Variants in NUDCD3 observed in about 807,000 individuals in gnomAD.
NUDCD3 encodes NudC domain containing 3.
In NUDCD3, 13 loss-of-function variants were observed where a neutral mutation model predicts 39.7. The ratio of observed to expected loss-of-function variants is 0.33; its 90% CI spans 0.21 to 0.52. NUDCD3 has a LOEUF of 0.52. NUDCD3 is among the 20% of genes least tolerant of loss of function. NUDCD3 has a pLI of 0.96. For missense variants in NUDCD3, 453 were observed against 458.1 expected, an observed-to-expected ratio of 0.99 and a Z score of 0.10; for synonymous variants, 175 against 172.4, an observed-to-expected ratio of 1.02 and a Z score of -0.12.
At position 44,465,858 on chromosome 7, in the gene NUDCD3, A is replaced by T. The variant is rs1800107728; in HGVS notation, c.509+19110T>A. Among the ~76,000 whole-genome samples, 4 of 152,230 alleles carry T rather than the reference A, an allele frequency of 2.6e-5. No individual in the cohort carries two copies. In the South Asian group the frequency reaches 8.3e-4, roughly 32 times the overall value. On this transcript the variant is annotated intron_variant, in intron 2 of 5. Coordinates refer to ENST00000355451, the MANE Select transcript of NUDCD3 (RefSeq NM_015332.4). The stretch of plus-strand genomic sequence containing the variant: ...TTCAAAACACCAGTTAAAAAAAATA[A>T]AGAAAAACTTTTACGGAAAAATAGG...
chr7:44,405,033 C>T (rs1036545498), intron 3 of NUDCD3, among the ~76,000 whole-genome samples: 45 of 152,292 alleles, frequency 3.0e-4, no homozygotes, highest in African/African-American at 9.9e-4. Context: ...ATTGCTCACC[C>T]CAGGACTGCT....
At chr7:44,487,407 G>C (rs1800633030) in intron 1 of NUDCD3, among the ~76,000 whole-genome samples, 1 of 151,946 alleles carries the variant, frequency 6.6e-6, no homozygotes, top group Non-Finnish European at 1.5e-5. Flanking sequence ...ACATCTGGTG[G>C]GGGTGGAGAG....
At chr7:44,431,206 T>C (rs1799356594) in intron 2 of NUDCD3, among the ~76,000 whole-genome samples, 1 of 151,968 alleles carries the variant, frequency 6.6e-6, no homozygotes, top group Non-Finnish European at 1.5e-5. Context: ...CCTGGGCACA[T>C]GGTAGGAGGC....
intron 3 of NUDCD3, among the ~76,000 whole-genome samples, chr7:44,422,460 CACT>C (rs1267243121): frequency 1.3e-5 from 2 of 151,928 alleles, no homozygotes; most frequent in African/African-American, 4.8e-5. Context: ...GAGATATCAC[CACT>C]GATCCCACAG....
chr7:44,466,761 C>T (rs1370805007), intron 2 of NUDCD3, among the ~76,000 whole-genome samples: 2 of 152,210 alleles, frequency 1.3e-5, no homozygotes, highest in Admixed American at 6.5e-5. Flanking sequence ...GAAGCTCTAG[C>T]AGCAGCAGAA....
chr7:44,394,850 C>G (rs1798594617), intron 4 of NUDCD3, among the ~76,000 whole-genome samples: 1 of 152,150 alleles, frequency 6.6e-6, no homozygotes, highest in African/African-American at 2.4e-5. Flanking sequence ...TCCACAGACC[C>G]CAACACAGGG....
At chr7:44,391,742 T>C (rs1381395751) in intron 5 of NUDCD3, among the ~76,000 whole-genome samples, 2 of 152,196 alleles carry the variant, frequency 1.3e-5, no homozygotes, top group Non-Finnish European at 2.9e-5. Flanking sequence ...GAAGAAAGAA[T>C]GTATACATCT....
Position 44,385,061 on chromosome 7 carries a change from C to T in NUDCD3, c.*950G>A, listed in dbSNP as rs533083367. On this transcript the variant is annotated 3_prime_UTR_variant, in exon 6 of 6. Transcript: ENST00000355451. ...GTTCAGTTGTGGTGGGACAGTGTGC[C>T]TTCACGCCCCATGCAGAAATTCCTC... The T allele has an allele frequency of 6.6e-6, 1 of 152,394 alleles. No individual in the cohort carries two copies. The highest frequency in any genetic ancestry group is 6.5e-5 in the Admixed American group (1 of 15,306). The allele number at this position is 152,394 out of a possible 1,614,324, so 9.4% of individuals were successfully genotyped here.
intron 5 of NUDCD3, among the ~76,000 whole-genome samples, chr7:44,388,598 T>C (rs550374955): frequency 5.3e-5 from 8 of 152,376 alleles, no homozygotes; most frequent in African/African-American, 1.9e-4. Context: ...GTTGAGACTT[T>C]AGCATCAGCA....
chr7:44,424,004 T>C (rs185913759), intron 3 of NUDCD3, among the ~76,000 whole-genome samples: 1 of 152,066 alleles, frequency 6.6e-6, no homozygotes, highest in Non-Finnish European at 1.5e-5. Context: ...TCTACAACCA[T>C]CTGATCTTCA....
chr7:44,410,084 GAAGA>G (rs1230803661), intron 3 of NUDCD3, among the ~76,000 whole-genome samples: 2 of 151,956 alleles, frequency 1.3e-5, no homozygotes, highest in Admixed American at 1.3e-4. Context: ...GAAGAGAAAA[GAAGA>G]AAGAATATTT....
intron 4 of NUDCD3, among the ~76,000 whole-genome samples, chr7:44,400,238 A>G (rs1798696798): frequency 1.3e-5 from 2 of 150,488 alleles, no homozygotes; most frequent in South Asian, 4.3e-4. Flanking sequence ...GCCTGAGTCA[A>G]GAAGTCTCAT....
intron 4 of NUDCD3, among the ~76,000 whole-genome samples, chr7:44,403,577 G>C (rs1172522307): frequency 3.3e-5 from 5 of 152,172 alleles, no homozygotes; most frequent in Non-Finnish European, 5.9e-5. Context: ...GGACAGCCAG[G>C]ACAGAGTCAC....
intron 2 of NUDCD3, among the ~76,000 whole-genome samples, chr7:44,460,534 C>T (rs1799986072): frequency 6.6e-6 from 1 of 152,004 alleles, no homozygotes. Context: ...TTTAAAAACC[C>T]ACCAGCATAT....
rs183395947 is a variant in NUDCD3, at chr7:44,436,445, G to C, written c.510-8742C>G. Among the ~76,000 whole-genome samples the C allele has an allele frequency of 2.3e-3, 354 of 152,266 alleles. 2 individuals are homozygous for C. Among genetic ancestry groups the C allele is most frequent in the African/African-American group, 7.9e-3 (328 of 41,554 alleles). ...GAGTTTGTCTTGGCTATACAACTAGGAGCAGAACTTCTAGGTCAAAGGATA... is the reference window on the plus strand; with the variant it reads ...GAGTTTGTCTTGGCTATACAACTAGCAGCAGAACTTCTAGGTCAAAGGATA... On this transcript the variant is annotated intron_variant, in intron 2 of 5. Coordinates refer to ENST00000355451, the MANE Select transcript of NUDCD3 (RefSeq NM_015332.4).
intron 2 of NUDCD3, among the ~76,000 whole-genome samples, chr7:44,440,823 A>G (rs1012712558): frequency 1.3e-5 from 2 of 152,204 alleles, no homozygotes; most frequent in African/African-American, 4.8e-5. Flanking sequence ...TGTGAGACTC[A>G]TAAGCTCTTA....
At position 44,467,958 on chromosome 7, in the gene NUDCD3, T is replaced by C. The variant is rs1189654599; in HGVS notation, c.509+17010A>G. 3.7e-6 allele frequency: 6 copies of C among 1,610,686 alleles called. No homozygotes were observed. The African/African-American group carries it at 6.7e-5, about 18-fold the overall frequency. On this transcript the variant is annotated intron_variant, in intron 2 of 5. Coordinates refer to ENST00000355451, the MANE Select transcript of NUDCD3 (RefSeq NM_015332.4). ...GTCAAAAAGAGAACCAAGAAGTTCA[T>C]CCAGCACCAGTCAGACCAATATGTC...
intron 4 of NUDCD3, chr7:44,402,828 C>T (rs1339570060): frequency 2.6e-6 from 1 of 383,842 alleles, no homozygotes; most frequent in Non-Finnish European, 5.3e-6. Context: ...ATACAGGCGG[C>T]CAGGGCTGCA....
intron 2 of NUDCD3, among the ~76,000 whole-genome samples, chr7:44,469,424 A>G (rs1349316487): frequency 1.3e-5 from 2 of 152,262 alleles, no homozygotes; most frequent in Non-Finnish European, 2.9e-5. Flanking sequence ...ATAATTCTAA[A>G]TAATAAATGG....
Sources: allele counts gnomAD v4.1 joint callset (sites outside exome capture counted in the v4.1 genomes callset), GRCh38; gene constraint gnomAD v4.1.1; transcripts MANE v1.5; gene names NCBI Gene and HGNC (gene_info 2026-07-23, HGNC 2026-07-21).